TNFSF10: variants seen among roughly 807,000 people sequenced by gnomAD.
TNFSF10 encodes TNF superfamily member 10.
A neutral mutation model predicts 29.5 loss-of-function variants in TNFSF10; 13 were observed. The ratio of observed to expected loss-of-function variants is 0.44; its 90% CI spans 0.29 to 0.70. TNFSF10 has a LOEUF of 0.70. Among genes scored for constraint, TNFSF10 ranks in the 30% least tolerant of loss-of-function variants. The pLI is 0.13. For synonymous variants in TNFSF10, 111 were observed against 112.8 expected (o/e 0.98, Z 0.10); for missense variants, 345 against 330.9 (o/e 1.04, Z -0.33).
intron 1 of TNFSF10, chr3:172,518,149 T>C (rs1713518117): frequency 3.7e-6 from 4 of 1,077,816 alleles, no homozygotes; most frequent in Non-Finnish European, 4.5e-6. Flanking sequence ...GGCTATATTC[T>C]CTAACTAACC....
Position 172,514,877 on chromosome 3 carries a change from C to T in TNFSF10, c.254G>A (p.Arg85His), listed in dbSNP as rs757021342. Reference sequence around the variant, plus strand: ...GTTACCTACCTTTCTAACGAGCTGACGGAGTTGCCACTTGACTTGCCAGCA... The same window carrying T: ...GTTACCTACCTTTCTAACGAGCTGATGGAGTTGCCACTTGACTTGCCAGCA... Reference protein sequence around the residue: ...SPCWQVKWQLRQLVRKMILRT... With the variant: ...SPCWQVKWQLHQLVRKMILRT... Residue 85 changes from arginine (R) to histidine (H), a missense_variant, in exon 2 of 5, where the codon CGT becomes CAT. Physicochemically the swap from Arg to His is conservative, Grantham distance 29. Coordinates refer to ENST00000241261, the MANE Select transcript of TNFSF10 (RefSeq NM_003810.4). 1.4e-5 allele frequency: 23 copies of T among 1,614,064 alleles called. No homozygotes were observed. In the East Asian group the frequency reaches 1.6e-4, roughly 11 times the overall value.
intron 1 of TNFSF10, chr3:172,517,276 A>G (rs1713475661): frequency 1.1e-6 from 1 of 949,956 alleles, no homozygotes; most frequent in South Asian, 4.9e-5. Flanking sequence ...GGACTAGCCC[A>G]GGTTAGCACC....
intron 2 of TNFSF10, among the ~76,000 whole-genome samples, chr3:172,512,527 C>T (rs577237418): frequency 6.4e-4 from 97 of 152,318 alleles, no homozygotes; most frequent in African/African-American, 2.3e-3. Flanking sequence ...AAGCTCTCTG[C>T]TTCTCCCTCC....
chr3:172,516,729 C>A (rs921238131), intron 1 of TNFSF10, among the ~76,000 whole-genome samples: 2 of 152,114 alleles, frequency 1.3e-5, no homozygotes, highest in African/African-American at 4.8e-5. Flanking sequence ...ATTTCCTTGC[C>A]CCTGCCTGCC....
intron 1 of TNFSF10, among the ~76,000 whole-genome samples, chr3:172,520,036 T>G (rs3136589): frequency 0.16 from 24,744 of 152,240 alleles, 2,754 homozygotes; most frequent in East Asian, 0.54. Context: ...ACATTATTTC[T>G]TGTCTCCTCG....
chr3:172,515,907 T>G (rs770933932), intron 1 of TNFSF10, among the ~76,000 whole-genome samples: 21 of 152,198 alleles, frequency 1.4e-4, no homozygotes, highest in Non-Finnish European at 2.5e-4. Context: ...TGCTCATTTC[T>G]TCTCTTCCGT....
intron 3 of TNFSF10, among the ~76,000 whole-genome samples, chr3:172,509,804 C>G (rs1445612234): frequency 1.3e-5 from 2 of 151,822 alleles, no homozygotes; most frequent in Non-Finnish European, 2.9e-5. Context: ...CGGTGAAACC[C>G]CATCTCTACT....
intron 1 of TNFSF10, chr3:172,522,300 G>C: frequency 2.7e-6 from 2 of 752,718 alleles, no homozygotes; most frequent in Admixed American, 1.8e-5. Flanking sequence ...TCATCCTGCT[G>C]TGTGCTATTG....
intron 1 of TNFSF10, among the ~76,000 whole-genome samples, chr3:172,519,921 T>C (rs1713606689): frequency 6.6e-6 from 1 of 152,190 alleles, no homozygotes; most frequent in African/African-American, 2.4e-5. Context: ...TCACAAGGTG[T>C]AGATAGGTTA....
intron 1 of TNFSF10, 107 bp downstream of exon 1, chr3:172,523,146 A>G (rs1713778051): frequency 1.5e-6 from 2 of 1,371,504 alleles, no homozygotes; most frequent in Non-Finnish European, 2.0e-6. Flanking sequence ...CCCACAGAGA[A>G]AGGAAGCAGG....
At chr3:172,515,623 G>A (rs1408462058) in intron 1 of TNFSF10, among the ~76,000 whole-genome samples, 1 of 152,102 alleles carries the variant, frequency 6.6e-6, no homozygotes, top group African/African-American at 2.4e-5. Flanking sequence ...ACACTAACTA[G>A]GGATTTATTG....
chr3:172,517,727 A>T, intron 1 of TNFSF10: 1 of 984,730 alleles, frequency 1.0e-6, no homozygotes, highest in Non-Finnish European at 1.2e-6. Flanking sequence ...TCTGTATGAA[A>T]ATTATACATG....
intron 1 of TNFSF10, among the ~76,000 whole-genome samples, chr3:172,520,708 A>G (rs231981): frequency 0.87 from 132,310 of 152,228 alleles, 57,602 homozygotes; most frequent in East Asian, 1. Context: ...GAGGTATACT[A>G]ATGAGCAGAA....
rs1264468235 is a variant in TNFSF10 at position 172,506,150 on chromosome 3, T to C, written c.*342A>G. ...TGGATTGTTGCTCTTTCTTCTACAGTCTTTACAAGGAGTAGATTATAAAGA... is the reference window on the plus strand; with the variant it reads ...TGGATTGTTGCTCTTTCTTCTACAGCCTTTACAAGGAGTAGATTATAAAGA... On this transcript the variant is annotated 3_prime_UTR_variant, in exon 5 of 5. Coordinates refer to ENST00000241261, the MANE Select transcript of TNFSF10 (RefSeq NM_003810.4). 6 of 212,532 alleles carry C rather than the reference T, an allele frequency of 2.8e-5. No individual in the cohort carries two copies. The East Asian group carries it at 7.2e-4, about 25-fold the overall frequency. The allele number at this position is 212,532 out of a possible 1,614,324, so 13.2% of individuals were successfully genotyped here. A position where few individuals can be genotyped will look rare whatever the true frequency, so the allele number is the denominator to read the frequency against.
At chr3:172,510,914 C>T (rs1268300214) in intron 3 of TNFSF10, among the ~76,000 whole-genome samples, 3 of 152,078 alleles carry the variant, frequency 2.0e-5, no homozygotes, top group Non-Finnish European at 4.4e-5. Flanking sequence ...AGGAAATGAA[C>T]AAGGTACATG....
intron 4 of TNFSF10, chr3:172,507,346 C>A (rs1390145354): frequency 6.3e-6 from 1 of 157,656 alleles, no homozygotes; most frequent in Non-Finnish European, 1.4e-5. Context: ...TTTCTTTAGG[C>A]CTAAATCTCA....
rs7625589 is a variant in TNFSF10 at position 172,518,041 on chromosome 3, T to C, written c.133-3043A>G. The C allele has an allele frequency of 5.4e-3, 5,350 of 993,022 alleles. 233 individuals carry two copies. In the African/African-American group the frequency reaches 0.086, roughly 16 times the overall value. 61.5% of individuals were successfully genotyped at this position (993,022 alleles called of 1,614,324 possible). On this transcript the variant is annotated intron_variant, in intron 1 of 4. Coordinates refer to ENST00000241261, the MANE Select transcript of TNFSF10 (RefSeq NM_003810.4). ...GGCGGGTTGACGTGAGGTGCTGTGGTTATTCCAAGAATGATAATTAATACG... is the reference window on the plus strand; with the variant it reads ...GGCGGGTTGACGTGAGGTGCTGTGGCTATTCCAAGAATGATAATTAATACG...
chr3:172,520,642 T>C (rs918172082), intron 1 of TNFSF10, among the ~76,000 whole-genome samples: 1 of 152,190 alleles, frequency 6.6e-6, no homozygotes. Flanking sequence ...AATAAGTATG[T>C]AGTGAACCAC....
intron 1 of TNFSF10, among the ~76,000 whole-genome samples, chr3:172,519,372 T>C (rs1387473904): frequency 1.3e-5 from 1 of 75,414 alleles, no homozygotes; most frequent in East Asian, 3.8e-4. Context: ...GTCAGTTGAG[T>C]AAAGAACTGG....
Sources: allele counts gnomAD v4.1 joint callset (sites outside exome capture counted in the v4.1 genomes callset), GRCh38; gene constraint gnomAD v4.1.1; transcripts MANE v1.5; gene names NCBI Gene and HGNC (gene_info 2026-07-23, HGNC 2026-07-21).